The following BBS9 variants were observed in gnomAD, a reference collection of about 807,000 sequenced individuals.
BBS9 encodes protein PTHB1.
A neutral mutation model predicts 117.7 loss-of-function variants in BBS9; 89 were observed. The ratio of observed to expected loss-of-function variants is 0.76; its 90% confidence interval spans 0.64 to 0.90. The LOEUF is 0.90. Ranked by LOEUF, BBS9 falls within the 40% of genes least tolerant of loss-of-function variation. The pLI is 0.00. For missense variants in BBS9, 982 were observed against 1,042.2 expected (o/e 0.94, Z 0.80); for synonymous variants, 379 against 370.9 (o/e 1.02, Z -0.25).
intron 19 of BBS9, among the ~76,000 whole-genome samples, chr7:33,403,201 G>A (rs1282576992): frequency 6.6e-6 from 1 of 151,682 alleles, no homozygotes; most frequent in Non-Finnish European, 1.5e-5. Context: ...CACCCAGGTA[G>A]TGAACATGGT....
intron 20 of BBS9, among the ~76,000 whole-genome samples, chr7:33,530,555 T>C (rs190486541): frequency 4.4e-4 from 67 of 152,310 alleles, no homozygotes; most frequent in African/African-American, 1.6e-3. Flanking sequence ...ATGGCTCCAA[T>C]TGAAAACATG....
chr7:33,576,994 G>A (rs2129149815), intron 21 of BBS9, among the ~76,000 whole-genome samples: 1 of 152,258 alleles, frequency 6.6e-6, no homozygotes, highest in South Asian at 2.1e-4. Flanking sequence ...ATAGGTATGG[G>A]CAAGGACTTC....
intron 5 of BBS9, among the ~76,000 whole-genome samples, chr7:33,237,679 TCAAC>T (rs1480996948): frequency 6.6e-6 from 1 of 152,150 alleles, no homozygotes; most frequent in Non-Finnish European, 1.5e-5. Flanking sequence ...AGTACCTTCT[TCAAC>T]AACCATTTAA....
chr7:33,392,955 C>T (rs1474849496), intron 19 of BBS9, among the ~76,000 whole-genome samples: 1 of 152,042 alleles, frequency 6.6e-6, no homozygotes, highest in Non-Finnish European at 1.5e-5. Context: ...CCCTTGAGCC[C>T]AGGAGTTTGA....
At chr7:33,426,069 T>C (rs1196958847) in intron 19 of BBS9, among the ~76,000 whole-genome samples, 1 of 152,150 alleles carries the variant, frequency 6.6e-6, no homozygotes. Context: ...AATATTGGCA[T>C]GAAGAGAACG....
At chr7:33,559,080 G>A (rs573726864) in intron 21 of BBS9, among the ~76,000 whole-genome samples, 7 of 152,126 alleles carry the variant, frequency 4.6e-5, no homozygotes, top group Non-Finnish European at 1.0e-4. Context: ...CAGCTTAAGC[G>A]TAAGTGGTCA....
At chr7:33,372,330 C>G (rs1017207761) in intron 17 of BBS9, among the ~76,000 whole-genome samples, 1 of 151,916 alleles carries the variant, frequency 6.6e-6, no homozygotes, top group Non-Finnish European at 1.5e-5. Flanking sequence ...TCCTTGTGTA[C>G]CTAATTTATT....
chr7:33,461,041 C>T (rs976095665), intron 19 of BBS9, among the ~76,000 whole-genome samples: 2 of 151,980 alleles, frequency 1.3e-5, no homozygotes, highest in Non-Finnish European at 2.9e-5. Context: ...GAAGGTTTAT[C>T]CACTTTGTAG....
chr7:33,537,057 T>A (rs1282277918), intron 21 of BBS9, among the ~76,000 whole-genome samples: 1 of 152,076 alleles, frequency 6.6e-6, no homozygotes, highest in Non-Finnish European at 1.5e-5. Context: ...TAAGATTTAG[T>A]TGGGACCTTC....
intron 19 of BBS9, among the ~76,000 whole-genome samples, chr7:33,403,156 T>C (rs1829223645): frequency 1.3e-5 from 2 of 151,916 alleles, no homozygotes; most frequent in South Asian, 4.2e-4. Flanking sequence ...CATGGGTATA[T>C]TGAGTGATGC....
At chr7:33,390,650 G>C (rs539284413) in intron 19 of BBS9, 1 of 945,352 alleles carries the variant, frequency 1.1e-6, no homozygotes, top group Non-Finnish European at 1.3e-6. Flanking sequence ...TTTTAATTCC[G>C]TTTAGTCAGT....
At chr7:33,476,000 A>G (rs73688877) in intron 19 of BBS9, among the ~76,000 whole-genome samples, 2,079 of 152,326 alleles carry the variant, frequency 0.014, 51 homozygotes, top group African/African-American at 0.048. Flanking sequence ...GAGGCGGTCA[A>G]TTGATAAGTA....
chr7:33,191,909 G>T (rs1281125543), intron 5 of BBS9, among the ~76,000 whole-genome samples: 1 of 151,274 alleles, frequency 6.6e-6, no homozygotes, highest in Non-Finnish European at 1.5e-5. Context: ...TATAAAAGTA[G>T]TCTTGTTCAC....
chr7:33,442,283 T>C (rs1029082400), intron 19 of BBS9, among the ~76,000 whole-genome samples: 3 of 152,190 alleles, frequency 2.0e-5, no homozygotes, highest in African/African-American at 7.2e-5. Flanking sequence ...ATACTAATTA[T>C]CATATTATGT....
intron 21 of BBS9, among the ~76,000 whole-genome samples, chr7:33,562,291 A>G (rs1856205099): frequency 6.6e-6 from 1 of 152,210 alleles, no homozygotes; most frequent in African/African-American, 2.4e-5. Context: ...AAAAACATAT[A>G]TGGTAATAAT....
intron 5 of BBS9, among the ~76,000 whole-genome samples, chr7:33,255,589 G>A (rs574148173): frequency 6.6e-6 from 1 of 152,146 alleles, no homozygotes; most frequent in Non-Finnish European, 1.5e-5. Flanking sequence ...GATGCCCTTA[G>A]TGGGACCTGG....
intron 4 of BBS9, among the ~76,000 whole-genome samples, chr7:33,172,889 C>G (rs945014878): frequency 2.6e-5 from 4 of 152,184 alleles, no homozygotes; most frequent in African/African-American, 9.7e-5. Flanking sequence ...GCCAGAAAGG[C>G]ACCTTAATCA....
At chr7:33,608,294 G>A, downstream of BBS9, among the ~76,000 whole-genome samples, 1 of 152,038 alleles carries the variant, frequency 6.6e-6, no homozygotes, top group African/African-American at 2.4e-5. Context: ...CACCATTGAT[G>A]GGCACCTAGG....
At chr7:33,597,042 T>C (rs976915711) in intron 21 of BBS9, among the ~76,000 whole-genome samples, 45 of 149,708 alleles carry the variant, frequency 3.0e-4, no homozygotes, top group Admixed American at 1.6e-3. Flanking sequence ...TGCATATATA[T>C]GAATCATCTC....
Sources: allele counts gnomAD v4.1 joint callset (sites outside exome capture counted in the v4.1 genomes callset), GRCh38; gene constraint gnomAD v4.1.1; transcripts MANE v1.5; gene names NCBI Gene and HGNC (gene_info 2026-07-23, HGNC 2026-07-21).